RSF1: variants seen among roughly 807,000 people sequenced by gnomAD.
RSF1 encodes remodeling and spacing factor 1, also known as HBV pX-associated protein 8.
Under a neutral mutation model 145.2 loss-of-function variants are expected in RSF1, and 13 were observed. The observed-to-expected ratio is 0.09, with a 90% CI of 0.06 to 0.14. RSF1 has a LOEUF of 0.14. Among genes scored for constraint, RSF1 ranks in the 10% least tolerant of loss-of-function variants. RSF1 has a pLI of 1.00. For missense variants in RSF1, 1,517 were observed against 1,718.2 expected, an observed-to-expected ratio of 0.88 and a Z score of 2.07; for synonymous variants, 577 against 592.6, an observed-to-expected ratio of 0.97 and a Z score of 0.38.
chr11:77,676,406 C>CA (rs1355110975), intron 13 of RSF1, among the ~76,000 whole-genome samples: 1 of 152,056 alleles, frequency 6.6e-6, no homozygotes, highest in Admixed American at 6.6e-5. Flanking sequence ...ACTGGATTAC[C>CA]AGTCCCAAGT....
At chr11:77,667,980 G>A (rs1051511764) in intron 15 of RSF1, among the ~76,000 whole-genome samples, 1 of 151,854 alleles carries the variant, frequency 6.6e-6, no homozygotes, top group South Asian at 2.1e-4. Context: ...TGGGATTACA[G>A]GCATGAGCCA....
At chr11:77,814,380 G>A (rs575550315) in intron 1 of RSF1, among the ~76,000 whole-genome samples, 344 of 152,148 alleles carry the variant, frequency 2.3e-3, no homozygotes, top group Non-Finnish European at 3.7e-3. Flanking sequence ...GCATGTGCCT[G>A]TAGTTCCAAC....
intron 11 of RSF1, among the ~76,000 whole-genome samples, chr11:77,683,460 T>C (rs908533370): frequency 1.3e-5 from 2 of 151,572 alleles, no homozygotes; most frequent in African/African-American, 4.8e-5. Context: ...TCCCAGCACT[T>C]TGGGAGGCTG....
intron 1 of RSF1, among the ~76,000 whole-genome samples, chr11:77,801,589 T>G (rs1379855269): frequency 1.3e-5 from 2 of 152,156 alleles, no homozygotes; most frequent in East Asian, 3.9e-4. Context: ...CTAAATTCCT[T>G]GCAATTTCCT....
Position 77,667,294 on chromosome 11 carries a change from C to T in RSF1, c.3949G>A (p.Asp1317Asn), listed in dbSNP as rs961817107. The change falls in exon 16 of 16, where the codon GAT (aspartate) becomes AAT (asparagine). Residue 1317 changes from aspartate (D) to asparagine (N), a missense_variant. This residue lies in a region of RSF1 where 240 missense variants were observed against 231.8 expected (regional missense o/e 1.04). Transcript: ENST00000308488. ...EEESCDNAHG[D>N]ANQPARDSQP... Reference sequence around the variant, plus strand: ...CTGTCACGGGCAGGCTGATTTGCATCTCCATGAGCATTGTCACAACTCTCC... The same window carrying T: ...CTGTCACGGGCAGGCTGATTTGCATTTCCATGAGCATTGTCACAACTCTCC... The T allele has an allele frequency of 1.9e-6, 3 of 1,614,210 alleles. No individual in the cohort carries two copies. The highest frequency in any genetic ancestry group is 2.5e-6 in the Non-Finnish European group (3 of 1,180,030).
intron 5 of RSF1, among the ~76,000 whole-genome samples, chr11:77,716,536 C>T (rs1960813531): frequency 6.6e-6 from 1 of 152,164 alleles, no homozygotes; most frequent in South Asian, 2.1e-4. Flanking sequence ...ACAAATACCC[C>T]ATGATCTCAC....
chr11:77,841,263 T>G, the RSF1 span: 1 of 702,336 alleles, frequency 1.4e-6, no homozygotes, highest in South Asian at 1.5e-5. Flanking sequence ...CAGTTAAATT[T>G]AAACATGAGT....
chr11:77,771,458 G>C (rs888466390), intron 1 of RSF1, among the ~76,000 whole-genome samples: 2 of 152,174 alleles, frequency 1.3e-5, no homozygotes, highest in African/African-American at 4.8e-5. Context: ...CTCCAATGTG[G>C]CTAGAAAATG....
chr11:77,856,671 T>C, the RSF1 span, among the ~76,000 whole-genome samples: 1 of 152,100 alleles, frequency 6.6e-6, no homozygotes. Context: ...ACATCTTACA[T>C]GGCTGGAGCA....
intron 5 of RSF1, among the ~76,000 whole-genome samples, chr11:77,715,036 A>C (rs1191834157): frequency 6.6e-6 from 1 of 152,116 alleles, no homozygotes; most frequent in Non-Finnish European, 1.5e-5. Flanking sequence ...AGGTAGGAGG[A>C]TTGCTGGAGC....
At chr11:77,775,414 G>C (rs1307104730) in intron 1 of RSF1, among the ~76,000 whole-genome samples, 1 of 152,160 alleles carries the variant, frequency 6.6e-6, no homozygotes, top group Non-Finnish European at 1.5e-5. Flanking sequence ...GCGAACAGGT[G>C]ATATCACTAA....
chr11:77,854,768 T>G, the RSF1 span, among the ~76,000 whole-genome samples: 6 of 152,180 alleles, frequency 3.9e-5, no homozygotes, highest in Admixed American at 1.3e-4. Flanking sequence ...GGCCCTCTTC[T>G]CACACCTCCA....
In RSF1 at chr11:77,740,889, A is replaced by G; in HGVS notation, c.420T>C (p.Ile140=). Reference sequence around the variant, plus strand: ...TAGTATCGGCATCCTCCTCATTAATAATATTCTTGAATTTGAGATTGTCAT... The same window carrying G: ...TAGTATCGGCATCCTCCTCATTAATGATATTCTTGAATTTGAGATTGTCAT... ...QFDDNLKFKN[I]INEEDADTMR... is the part of the protein sequence containing the mutation. The change falls in exon 4 of 16, where the codon ATT becomes ATC. Residue 140 remains isoleucine, a synonymous_variant. Transcript: ENST00000308488. 1 of 1,614,116 alleles carries G rather than the reference A, an allele frequency of 6.2e-7. No homozygotes were observed. The highest frequency in any genetic ancestry group is 8.5e-7 in the Non-Finnish European group (1 of 1,180,000).
intron 1 of RSF1, among the ~76,000 whole-genome samples, chr11:77,788,633 C>T (rs1948485771): frequency 6.6e-6 from 1 of 151,896 alleles, no homozygotes; most frequent in African/African-American, 2.4e-5. Context: ...TCGTGGCATG[C>T]ATCTAAAGCA....
At chr11:77,712,444 G>C (rs928666470) in intron 5 of RSF1, among the ~76,000 whole-genome samples, 9 of 152,118 alleles carry the variant, frequency 5.9e-5, no homozygotes, top group Admixed American at 5.9e-4. Context: ...AGCAGCATGA[G>C]AACAGACTAA....
At chr11:77,852,242 G>T in the RSF1 span, among the ~76,000 whole-genome samples, 2 of 75,518 alleles carry the variant, frequency 2.6e-5, no homozygotes, top group Non-Finnish European at 5.2e-5. Context: ...AAAAAAAAAA[G>T]AAGAAGAAGA....
At chr11:77,690,157 A>C (rs12278502) in intron 9 of RSF1, among the ~76,000 whole-genome samples, 1 of 130,974 alleles carries the variant, frequency 7.6e-6, no homozygotes, top group South Asian at 2.5e-4. Context: ...GCGAGACTCC[A>C]TCTCAAAAAA....
chr11:77,695,582 AT>A lies in RSF1; in HGVS notation c.2716-1972del, dbSNP rs879935684. Among the ~76,000 whole-genome samples the A allele has an allele frequency of 2.7e-4, 40 of 148,574 alleles. No individual in the cohort carries two copies. The East Asian group carries it at 6.7e-3, about 25-fold the overall frequency. On this transcript the variant is annotated intron_variant, in intron 7 of 15. Transcript: ENST00000308488. Reference sequence around the variant, plus strand: ...TCCTGTGTCCTTAGGACTTGCCTGCATTTTTTTTTTAAGTACTTCCTTACTT... The same window carrying A: ...TCCTGTGTCCTTAGGACTTGCCTGCATTTTTTTTTAAGTACTTCCTTACTT...
the RSF1 span, among the ~76,000 whole-genome samples, chr11:77,832,403 T>C: frequency 6.6e-6 from 1 of 151,192 alleles, no homozygotes; most frequent in Admixed American, 6.6e-5. Flanking sequence ...CTCGGCTCGC[T>C]GCAACCTCCG....
Sources: gnomAD v4.1 joint callset for allele counts (sites outside exome capture counted in the v4.1 genomes callset) on GRCh38, gnomAD v4.1.1 for gene constraint, gnomAD v4.1.1 regional missense constraint, MANE v1.5 for transcripts, NCBI Gene and HGNC (gene_info 2026-07-23, HGNC 2026-07-21) for gene names.